COL23A1: variants seen among roughly 807,000 people sequenced by gnomAD.
COL23A1 encodes collagen alpha-1(XXIII) chain.
Under a neutral mutation model 99.3 loss-of-function variants are expected in COL23A1, and 97 were observed. That is an observed-to-expected ratio of 0.98 (90% CI 0.83 to 1.16). The LOEUF (loss-of-function observed/expected upper bound fraction) is 1.16. COL23A1 is among the 50% of genes most tolerant of loss of function. COL23A1 has a pLI of 0.00. For missense variants in COL23A1, 762 were observed against 757.4 expected (o/e 1.01, Z -0.07); for synonymous variants, 320 against 308.2 (o/e 1.04, Z -0.40).
At chr5:178,259,107 G>C (rs532540967) in intron 12 of COL23A1, among the ~76,000 whole-genome samples, 2 of 152,164 alleles carry the variant, frequency 1.3e-5, no homozygotes, top group African/African-American at 4.8e-5. Flanking sequence ...TTTTAGGAGA[G>C]ATGGGGTTTC....
chr5:178,581,608 G>C (rs1763665779), intron 1 of COL23A1, among the ~76,000 whole-genome samples: 1 of 142,234 alleles, frequency 7.0e-6, no homozygotes, highest in South Asian at 2.1e-4. Context: ...AAGCCCGAAA[G>C]ACATCCTTCT....
intron 2 of COL23A1, among the ~76,000 whole-genome samples, chr5:178,324,255 A>G (rs1175004066): frequency 1.3e-5 from 2 of 152,138 alleles, no homozygotes; most frequent in African/African-American, 4.8e-5. Flanking sequence ...TTCACACGCT[A>G]TGCCGGGCTG....
intron 25 of COL23A1, 53 bp downstream of exon 25, chr5:178,245,889 G>A: frequency 6.2e-7 from 1 of 1,600,470 alleles, no homozygotes; most frequent in Non-Finnish European, 8.6e-7. Context: ...CATGAGGGCA[G>A]AAGATACACA....
At chr5:178,262,129 T>G (rs1765662438) in intron 10 of COL23A1, 88 bp downstream of exon 10, 1 of 1,380,140 alleles carries the variant, frequency 7.2e-7, no homozygotes, top group Non-Finnish European at 1.0e-6. Context: ...CGCGTGACCC[T>G]GCTGTCGGCG....
intron 2 of COL23A1, among the ~76,000 whole-genome samples, chr5:178,414,304 G>A (rs555737905): frequency 1.3e-5 from 2 of 152,226 alleles, no homozygotes; most frequent in East Asian, 1.9e-4. Flanking sequence ...TTGATTGCAA[G>A]CTCTCAGAGG....
At chr5:178,408,992 AC>A (rs1764918913) in intron 2 of COL23A1, among the ~76,000 whole-genome samples, 2 of 146,066 alleles carry the variant, frequency 1.4e-5, no homozygotes, top group Non-Finnish European at 3.0e-5. Context: ...ACACACACAC[AC>A]ACACACACAC....
At chr5:178,502,735 G>A (rs956768162) in intron 2 of COL23A1, among the ~76,000 whole-genome samples, 3 of 152,200 alleles carry the variant, frequency 2.0e-5, no homozygotes, top group East Asian at 3.8e-4. Context: ...CATAGTTGAC[G>A]GTCCAGCAAC....
intron 2 of COL23A1, among the ~76,000 whole-genome samples, chr5:178,407,704 G>A (rs1422492437): frequency 6.6e-6 from 1 of 152,124 alleles, no homozygotes; most frequent in Non-Finnish European, 1.5e-5. Flanking sequence ...TTTCAATGGA[G>A]GGCTCAACAG....
In COL23A1 at chr5:178,310,174, C is replaced by G. The variant is rs925916022; in HGVS notation, c.362-3255G>C. On this transcript the variant is annotated intron_variant, in intron 2 of 28. Coordinates refer to ENST00000390654, the MANE Select transcript of COL23A1 (RefSeq NM_173465.4). This position sits in a 1 kb window ranked among gnomAD's most constrained non-coding sequence, Gnocchi z 4.3. ...AGGCCCTGGGAGAGGGCGAGTGTGC[C>G]GGAGCTGCACTCCCTGCTGACTGTG... Among the ~76,000 whole-genome samples, 1 of 152,120 alleles carries G rather than the reference C, an allele frequency of 6.6e-6. No individual in the cohort carries two copies. Among genetic ancestry groups the G allele is most frequent in the Non-Finnish European group, 1.5e-5 (1 of 68,016 alleles).
At position 178,560,724 on chromosome 5, in the gene COL23A1, G is replaced by A. The variant is rs1172070611; in HGVS notation, c.319C>T (p.Arg107Trp). 15 of 1,612,656 alleles carry A rather than the reference G, an allele frequency of 9.3e-6. No individual in the cohort carries two copies. Among genetic ancestry groups the A allele is most frequent in the Admixed American group, 1.7e-5 (1 of 59,842 alleles). ...TCGGATGGAGCTTCCCGAGCAGTCCGGATCTTCGCTAGTCCGTCCAACTTC... is the reference window on the plus strand; with the variant it reads ...TCGGATGGAGCTTCCCGAGCAGTCCAGATCTTCGCTAGTCCGTCCAACTTC... ...REKLDGLAKIRTAREAPSECV... is the reference protein window; with the variant it reads ...REKLDGLAKIWTAREAPSECV... The change falls in exon 2 of 29, where the codon CGG (arginine) becomes TGG (tryptophan). Residue 107 changes from arginine (R) to tryptophan (W), a missense_variant. Transcript: ENST00000390654.
In COL23A1 at chr5:178,560,587, A is replaced by G. The variant is rs1322657313; in HGVS notation, c.361+95T>C. 4.6e-6 allele frequency: 5 copies of G among 1,093,848 alleles called. No homozygotes were observed. The African/African-American group carries it at 6.4e-5, about 14-fold the overall frequency. The allele number at this position is 1,093,848 out of a possible 1,614,324, so 67.8% of individuals were successfully genotyped here. Reference sequence around the variant, plus strand: ...CAGTGCACGAAGACGACAGCCTGACACCCCAGTCCACCTTCCGGACCATGC... The same window carrying G: ...CAGTGCACGAAGACGACAGCCTGACGCCCCAGTCCACCTTCCGGACCATGC... On this transcript the variant is annotated intron_variant, in intron 2 of 28. Coordinates refer to ENST00000390654, the MANE Select transcript of COL23A1 (RefSeq NM_173465.4).
chr5:178,400,182 C>T (rs1039528503), intron 2 of COL23A1, among the ~76,000 whole-genome samples: 6 of 151,834 alleles, frequency 4.0e-5, no homozygotes, highest in African/African-American at 4.8e-5. Flanking sequence ...CTGGCTAACA[C>T]GGTGAAACCC....
chr5:178,296,562 G>GT (rs919935973), intron 3 of COL23A1, among the ~76,000 whole-genome samples: 5 of 151,238 alleles, frequency 3.3e-5, no homozygotes, highest in African/African-American at 9.7e-5. Flanking sequence ...TGGCCACGCC[G>GT]TTTTTTTTTC....
At chr5:178,292,746 T>A (rs899608756) in intron 3 of COL23A1, among the ~76,000 whole-genome samples, 1 of 152,048 alleles carries the variant, frequency 6.6e-6, no homozygotes, top group Admixed American at 6.5e-5. Flanking sequence ...CTCCCTAGTT[T>A]TGGCTTCAGC....
At chr5:178,527,757 C>T (rs905547426) in intron 2 of COL23A1, among the ~76,000 whole-genome samples, 6 of 152,074 alleles carry the variant, frequency 3.9e-5, no homozygotes, top group African/African-American at 9.7e-5. Flanking sequence ...CCCCTGCCCA[C>T]GCCCCTGCCA....
intron 2 of COL23A1, among the ~76,000 whole-genome samples, chr5:178,403,574 G>C (rs76046188): frequency 0.04 from 6,127 of 152,262 alleles, 372 homozygotes; most frequent in African/African-American, 0.14. Flanking sequence ...CATATGCCAG[G>C]GCTCACAATG....
In COL23A1 at chr5:178,309,153, G is replaced by C. The variant is rs926950662; in HGVS notation, c.362-2234C>G. On this transcript the variant is annotated intron_variant, in intron 2 of 28. Transcript: ENST00000390654. This position sits in a 1 kb window ranked among gnomAD's most constrained non-coding sequence, Gnocchi z 4.7. ...ACTGGGTACGACTAGGAAGTTCTCC[G>C]TCTGGGTAACTGAAGCCAGATGAAG... 1.3e-5 allele frequency among the ~76,000 whole-genome samples: 2 copies of C among 152,348 alleles called. No individual in the cohort carries two copies. The highest frequency in any genetic ancestry group is 3.4e-3 in the Middle Eastern group (1 of 294).
intron 27 of COL23A1, among the ~76,000 whole-genome samples, chr5:178,241,612 G>A (rs989140310): frequency 6.6e-6 from 1 of 152,178 alleles, no homozygotes; most frequent in Non-Finnish European, 1.5e-5. Flanking sequence ...GCGTGTCTGT[G>A]CTAACTTTGG....
At chr5:178,311,891 T>C (rs1388574794) in intron 2 of COL23A1, among the ~76,000 whole-genome samples, 2 of 151,966 alleles carry the variant, frequency 1.3e-5, no homozygotes, top group Non-Finnish European at 2.9e-5. Flanking sequence ...CCACCATGCC[T>C]GGCTAATTTT....
Sources: allele counts gnomAD v4.1 joint callset (sites outside exome capture counted in the v4.1 genomes callset), GRCh38; gene constraint gnomAD v4.1.1; non-coding constraint Gnocchi (gnomAD v3.1); transcripts MANE v1.5; gene names NCBI Gene and HGNC (gene_info 2026-07-23, HGNC 2026-07-21).